Variants in NHSL1 observed in about 807,000 individuals in gnomAD.
The protein encoded by NHSL1 is NHS like 1, also known as NHS-like protein 1.
Under a neutral mutation model 95.0 loss-of-function variants are expected in NHSL1, and 48 were observed. That is an observed-to-expected ratio of 0.51 (90% CI 0.40 to 0.64). NHSL1 has a LOEUF of 0.64. Among genes scored for constraint, NHSL1 ranks in the 30% least tolerant of loss-of-function variants. The pLI, the probability that NHSL1 is intolerant of heterozygous loss-of-function variation, is 0.00. For missense variants in NHSL1, 1,971 were observed against 2,077.7 expected, an observed-to-expected ratio of 0.95 and a Z score of 1.00; for synonymous variants, 783 against 833.9, an observed-to-expected ratio of 0.94 and a Z score of 1.05.
intron 3 of NHSL1, among the ~76,000 whole-genome samples, chr6:138,448,506 C>G (rs921923169): frequency 1.3e-5 from 2 of 152,148 alleles, no homozygotes; most frequent in Admixed American, 6.5e-5. Flanking sequence ...TCAATACACC[C>G]GCTACCCCAA....
In NHSL1 at chr6:138,445,021, C is replaced by T. The variant is rs529060036; in HGVS notation, c.532+1980G>A. On this transcript the variant is annotated intron_variant, in intron 4 of 7. Transcript: ENST00000343505. ...CCTTTCCTGAGTAGCATTTTAAAGG[C>T]CTCTCTTTAAAGTCTAATTCATCTC... Among the ~76,000 whole-genome samples, 8 of 152,276 alleles carry T rather than the reference C, an allele frequency of 5.3e-5. No individual in the cohort carries two copies. In the East Asian group the frequency reaches 1.3e-3, roughly 26 times the overall value.
chr6:138,503,281 T>C (rs1316173322), upstream of NHSL1, among the ~76,000 whole-genome samples: 4 of 152,156 alleles, frequency 2.6e-5, no homozygotes, highest in Admixed American at 2.6e-4. Context: ...TTCTCCGAAT[T>C]CCAACAAAGT....
intron 1 of NHSL1, among the ~76,000 whole-genome samples, chr6:138,661,472 G>A (rs1785226031): frequency 6.6e-6 from 1 of 150,958 alleles, no homozygotes; most frequent in Admixed American, 6.6e-5. Flanking sequence ...TCCAGCCTGG[G>A]TGACAGTGCA....
At chr6:138,546,868 G>A (rs1782819960), upstream of NHSL1, among the ~76,000 whole-genome samples, 1 of 152,222 alleles carries the variant, frequency 6.6e-6, no homozygotes, top group Non-Finnish European at 1.5e-5. Context: ...GAAAGTGGCA[G>A]AAGGAATCTT....
chr6:138,565,183 T>C (rs531322899), intron 1 of NHSL1, among the ~76,000 whole-genome samples: 1 of 150,056 alleles, frequency 6.7e-6, no homozygotes, highest in South Asian at 2.1e-4. Context: ...CTCGGCTCAC[T>C]GCAACCTCCG....
At position 138,580,910 on chromosome 6, in the gene NHSL1, T is replaced by A. The variant is rs369733173; in HGVS notation, c.97-84539A>T. Among the ~76,000 whole-genome samples, 3 of 152,320 alleles carry A rather than the reference T, an allele frequency of 2.0e-5. No individual in the cohort carries two copies. In the South Asian group the frequency reaches 6.2e-4, roughly 32 times the overall value. On this transcript the variant is annotated intron_variant, in intron 1 of 3. Transcript: ENST00000491526. ...GGCGGGCTATAAACGCAATCACATG[T>A]GTCCTTTCAAAGAGAGAAGCAGGGG... is the stretch of plus-strand genomic sequence containing the variant.
At chr6:138,503,337 T>C (rs559502443), upstream of NHSL1, among the ~76,000 whole-genome samples, 5 of 152,344 alleles carry the variant, frequency 3.3e-5, no homozygotes, top group African/African-American at 1.2e-4. Context: ...TGTCCTATGC[T>C]ATTTACTTAT....
intron 1 of NHSL1, among the ~76,000 whole-genome samples, chr6:138,498,869 A>G (rs1383497676): frequency 6.6e-6 from 1 of 152,232 alleles, no homozygotes; most frequent in Admixed American, 6.5e-5. Flanking sequence ...TACACTTGAT[A>G]TCAAGGGAAA....
intron 1 of NHSL1, among the ~76,000 whole-genome samples, chr6:138,557,744 C>T (rs1344055626): frequency 6.6e-6 from 1 of 152,164 alleles, no homozygotes; most frequent in Non-Finnish European, 1.5e-5. Context: ...GGATTCAAAT[C>T]CAGTCTATAC....
At chr6:138,531,057 C>T (rs1352856634) in intron 1 of NHSL1, among the ~76,000 whole-genome samples, 1 of 152,092 alleles carries the variant, frequency 6.6e-6, no homozygotes, top group African/African-American at 2.4e-5. Context: ...AGTCTGCAAC[C>T]CGGAAGAGGA....
At chr6:138,557,944 T>C (rs1583407453) in intron 1 of NHSL1, among the ~76,000 whole-genome samples, 1 of 152,212 alleles carries the variant, frequency 6.6e-6, no homozygotes, top group African/African-American at 2.4e-5. Context: ...TTTAGAAAGA[T>C]GTTCATTAAA....
intron 2 of NHSL1, among the ~76,000 whole-genome samples, chr6:138,492,340 C>T (rs61520898): frequency 0.012 from 1,890 of 152,272 alleles, 38 homozygotes; most frequent in African/African-American, 0.043. Flanking sequence ...CACACTACTG[C>T]CTGTTTACTA....
intron 1 of NHSL1, among the ~76,000 whole-genome samples, chr6:138,667,873 G>A (rs1447802781): frequency 2.6e-5 from 4 of 152,136 alleles, no homozygotes; most frequent in African/African-American, 4.8e-5. Context: ...AACTGCTAAC[G>A]GTGATTATAT....
intron 1 of NHSL1, among the ~76,000 whole-genome samples, chr6:138,622,174 A>C (rs1303295252): frequency 6.6e-6 from 1 of 152,138 alleles, no homozygotes; most frequent in Non-Finnish European, 1.5e-5. Flanking sequence ...TGAGGAGGGA[A>C]TGATATGAAG....
intron 1 of NHSL1, among the ~76,000 whole-genome samples, chr6:138,658,518 A>G (rs73568706): frequency 0.04 from 6,104 of 152,338 alleles, 321 homozygotes; most frequent in African/African-American, 0.12. Context: ...GCAAATAGTG[A>G]GCTTTCCTTA....
intron 1 of NHSL1, among the ~76,000 whole-genome samples, chr6:138,605,600 A>C (rs6919663): frequency 0.086 from 13,016 of 152,204 alleles, 663 homozygotes; most frequent in African/African-American, 0.15. Context: ...TATTGTGTCT[A>C]CCCACCACGA....
At chr6:138,506,845 T>A (rs1055465557) in intron 1 of NHSL1, among the ~76,000 whole-genome samples, 7 of 152,202 alleles carry the variant, frequency 4.6e-5, no homozygotes, top group Non-Finnish European at 1.0e-4. Flanking sequence ...TTATTTGATA[T>A]GGCAGATTAA....
chr6:138,513,833 T>A (rs1337483029), intron 1 of NHSL1, among the ~76,000 whole-genome samples: 1 of 152,162 alleles, frequency 6.6e-6, no homozygotes, highest in Non-Finnish European at 1.5e-5. Context: ...GTTCAATGAC[T>A]AATTTGTTTA....
At chr6:138,666,941 AT>A (rs989333121) in intron 1 of NHSL1, among the ~76,000 whole-genome samples, 1 of 151,760 alleles carries the variant, frequency 6.6e-6, no homozygotes. Flanking sequence ...TCCAGATTCA[AT>A]TTTTTTTTAA....
Sources: gnomAD v4.1 joint callset for allele counts (sites outside exome capture counted in the v4.1 genomes callset) on GRCh38, gnomAD v4.1.1 for gene constraint, MANE v1.5 for transcripts, NCBI Gene and HGNC (gene_info 2026-07-23, HGNC 2026-07-21) for gene names.